The following DYM variants were observed in gnomAD, a reference collection of about 807,000 sequenced individuals.
DYM encodes the protein dymeclin.
In DYM, 78 loss-of-function variants were observed where a neutral mutation model predicts 93.1. The observed-to-expected ratio is 0.84, with a 90% CI of 0.70 to 1.01. The LOEUF (loss-of-function observed/expected upper bound fraction) is 1.01, where lower values mean the gene tolerates loss of function less well. DYM is among the 50% of genes least tolerant of loss of function. The pLI, the probability that DYM is intolerant of heterozygous loss-of-function variation, is 0.00. For missense variants in DYM, 789 were observed against 845.0 expected (o/e 0.93, Z 0.82); for synonymous variants, 321 against 319.7 (o/e 1.00, Z -0.04).
At position 49,293,929 on chromosome 18, in the gene DYM, T is replaced by A. The variant is rs186295226; in HGVS notation, c.764-7313A>T. On this transcript the variant is annotated intron_variant, in intron 8 of 17. Transcript: ENST00000675505. ...GAATGGTATTGCCTAGGTTTTCTTC[T>A]AGGGTTTTTATGATTTTAGGTCTTA... 3.8e-3 allele frequency among the ~76,000 whole-genome samples: 583 copies of A among 152,320 alleles called. 2 individuals carry two copies. The highest frequency in any genetic ancestry group is 6.4e-3 in the Non-Finnish European group (437 of 68,020).
intron 8 of DYM, among the ~76,000 whole-genome samples, chr18:49,313,235 G>A (rs1306969826): frequency 6.6e-6 from 1 of 151,944 alleles, no homozygotes; most frequent in Admixed American, 6.6e-5. Flanking sequence ...GGAGGCCGAG[G>A]CAGGCGGATC....
chr18:49,341,113 C>G (rs2064083806), intron 6 of DYM, among the ~76,000 whole-genome samples: 1 of 151,894 alleles, frequency 6.6e-6, no homozygotes, highest in Non-Finnish European at 1.5e-5. Context: ...TAACTTGCAC[C>G]AAAAAAATCC....
At chr18:49,244,716 A>G (rs1030051292) in intron 13 of DYM, among the ~76,000 whole-genome samples, 1 of 152,236 alleles carries the variant, frequency 6.6e-6, no homozygotes, top group African/African-American at 2.4e-5. Context: ...AGAAGAAGAA[A>G]AAAACCCAAA....
intron 8 of DYM, among the ~76,000 whole-genome samples, chr18:49,326,524 T>TA (rs1169861428): frequency 6.6e-6 from 1 of 152,150 alleles, no homozygotes; most frequent in African/African-American, 2.4e-5. Flanking sequence ...ACACTAATTT[T>TA]AAAAACTTAC....
At chr18:49,350,594 T>C (rs1485259701) in intron 6 of DYM, among the ~76,000 whole-genome samples, 1 of 151,828 alleles carries the variant, frequency 6.6e-6, no homozygotes, top group Non-Finnish European at 1.5e-5. Flanking sequence ...TAATTCCAGC[T>C]ACCTGGGAGG....
At chr18:49,235,976 T>G (rs1419782721) in intron 13 of DYM, among the ~76,000 whole-genome samples, 1 of 152,228 alleles carries the variant, frequency 6.6e-6, no homozygotes, top group Non-Finnish European at 1.5e-5. Flanking sequence ...AAACGTTTGA[T>G]TTCTAGCTAC....
chr18:49,241,161 T>C (rs2093999028), intron 13 of DYM, among the ~76,000 whole-genome samples: 1 of 152,200 alleles, frequency 6.6e-6, no homozygotes, highest in African/African-American at 2.4e-5. Flanking sequence ...CGAGAATCAA[T>C]GCACAGAAGT....
intron 6 of DYM, among the ~76,000 whole-genome samples, chr18:49,359,318 T>G (rs1162073040): frequency 6.6e-6 from 1 of 152,160 alleles, no homozygotes; most frequent in Admixed American, 6.5e-5. Context: ...TAATCTTTAT[T>G]TTAAATATAT....
At chr18:49,189,432 A>G (rs888126688) in intron 14 of DYM, among the ~76,000 whole-genome samples, 2 of 152,210 alleles carry the variant, frequency 1.3e-5, no homozygotes, top group African/African-American at 4.8e-5. Flanking sequence ...AGCACTGGGA[A>G]GCATTAGATA....
chr18:49,080,870 G>A (rs1182711786), intron 17 of DYM, among the ~76,000 whole-genome samples: 7 of 150,700 alleles, frequency 4.6e-5, no homozygotes, highest in East Asian at 2.0e-4. Context: ...ACGGGGTGGC[G>A]GCCGGGCAGA....
rs184726933 is a variant in DYM, at chr18:49,297,234, T to G, written c.764-10618A>C. ...AGTATAAATATATACTGTACTTAAA[T>G]TATTTAATAGAATGAAATTAGTTGT... On this transcript the variant is annotated intron_variant, in intron 8 of 17. Transcript: ENST00000675505. Among the ~76,000 whole-genome samples, 216 of 152,312 alleles carry G rather than the reference T, an allele frequency of 1.4e-3. 1 individual carries two copies. Among genetic ancestry groups the G allele is most frequent in the African/African-American group, 5.1e-3 (211 of 41,570 alleles).
chr18:49,303,813 A>G (rs1288487840), intron 8 of DYM, among the ~76,000 whole-genome samples: 1 of 152,236 alleles, frequency 6.6e-6, no homozygotes, highest in Non-Finnish European at 1.5e-5. Context: ...ACTTAATATT[A>G]ATTTACTAAA....
intron 10 of DYM, among the ~76,000 whole-genome samples, chr18:49,281,517 A>G (rs1179412271): frequency 6.6e-6 from 1 of 152,230 alleles, no homozygotes; most frequent in African/African-American, 2.4e-5. Flanking sequence ...TGTTTATGGC[A>G]GTACTATTCA....
intron 16 of DYM, among the ~76,000 whole-genome samples, chr18:49,115,023 T>C (rs2081795711): frequency 6.6e-6 from 1 of 152,258 alleles, no homozygotes; most frequent in East Asian, 1.9e-4. Flanking sequence ...TGGGTTTAAG[T>C]TCTCGCTGTA....
At chr18:49,225,084 T>A (rs759389554) in intron 13 of DYM, among the ~76,000 whole-genome samples, 11 of 152,154 alleles carry the variant, frequency 7.2e-5, no homozygotes, top group Non-Finnish European at 1.6e-4. Flanking sequence ...AAAATACCAT[T>A]GATTAAAACA....
chr18:49,264,933 C>T (rs1031738978), intron 11 of DYM, among the ~76,000 whole-genome samples: 2 of 152,178 alleles, frequency 1.3e-5, no homozygotes, highest in African/African-American at 2.4e-5. Context: ...CAAGTTAAAA[C>T]TAGGAGCTAT....
chr18:49,356,072 T>G (rs1312108339), intron 6 of DYM, among the ~76,000 whole-genome samples: 2 of 152,132 alleles, frequency 1.3e-5, no homozygotes, highest in East Asian at 3.9e-4. Flanking sequence ...CAGAAAATAT[T>G]CAAATGTAAT....
At chr18:49,326,588 TTGAA>T (rs1006333419) in intron 8 of DYM, among the ~76,000 whole-genome samples, 11 of 152,296 alleles carry the variant, frequency 7.2e-5, no homozygotes, top group African/African-American at 2.4e-4. Context: ...TACATTCTGA[TTGAA>T]TGCCAACCAA....
chr18:49,189,615 T>G (rs1219233208), intron 14 of DYM, among the ~76,000 whole-genome samples: 1 of 152,202 alleles, frequency 6.6e-6, no homozygotes, highest in African/African-American at 2.4e-5. Context: ...ATAAGTGAGT[T>G]ACATTTACAC....
Sources: gnomAD v4.1 joint callset for allele counts (sites outside exome capture counted in the v4.1 genomes callset) on GRCh38, gnomAD v4.1.1 for gene constraint, MANE v1.5 for transcripts, NCBI Gene and HGNC (gene_info 2026-07-23, HGNC 2026-07-21) for gene names.